CSPP1: variants seen among roughly 807,000 people sequenced by gnomAD.
CSPP1 encodes the protein centrosome and spindle pole associated protein 1.
CSPP1 carries 126 observed loss-of-function variants against 164.4 expected under a neutral mutation model. That is an observed-to-expected ratio of 0.77 (90% CI 0.66 to 0.89). The LOEUF is 0.89. CSPP1 is among the 40% of genes least tolerant of loss of function. The pLI is 0.00. For synonymous variants in CSPP1, 472 were observed against 476.7 expected, an observed-to-expected ratio of 0.99 and a Z score of 0.13; for missense variants, 1,395 against 1,449.8, an observed-to-expected ratio of 0.96 and a Z score of 0.61.
chr8:67,165,075 G>A (rs1291008074), intron 24 of CSPP1, among the ~76,000 whole-genome samples: 1 of 152,160 alleles, frequency 6.6e-6, no homozygotes, highest in Non-Finnish European at 1.5e-5. Flanking sequence ...ACGAGGTCAG[G>A]AGATCGAGAC....
intron 17 of CSPP1, among the ~76,000 whole-genome samples, chr8:67,147,650 CT>C (rs1472938376): frequency 6.6e-6 from 1 of 152,084 alleles, no homozygotes; most frequent in Non-Finnish European, 1.5e-5. Flanking sequence ...TTTGAACTGG[CT>C]TGACAGTTCC....
intron 25 of CSPP1, chr8:67,172,814 G>A (rs1423009753): frequency 3.4e-6 from 1 of 290,342 alleles, no homozygotes; most frequent in Non-Finnish European, 6.4e-6. Flanking sequence ...GCATAGACTA[G>A]TACGAAGAAT....
intron 21 of CSPP1, among the ~76,000 whole-genome samples, chr8:67,159,996 C>CTT (rs1156331777): frequency 4.3e-5 from 3 of 70,516 alleles, no homozygotes; most frequent in African/African-American, 2.6e-4. Flanking sequence ...CTTTTCTTTT[C>CTT]TTTTCTTTTC....
chr8:67,071,208 T>C (rs1458488614), intron 1 of CSPP1, among the ~76,000 whole-genome samples: 3 of 152,206 alleles, frequency 2.0e-5, no homozygotes, highest in Non-Finnish European at 4.4e-5. Flanking sequence ...CAAATTATTA[T>C]TGTCCCAAAC....
intron 19 of CSPP1, 35 bp from the exon 20 acceptor site, chr8:67,158,412 T>G (rs778893001): frequency 9.8e-6 from 15 of 1,526,318 alleles, no homozygotes; most frequent in Admixed American, 4.2e-5. Context: ...TTTTCAATAG[T>G]TTTACAAGAT....
At chr8:67,107,110 C>T (rs1223306166) in intron 9 of CSPP1, among the ~76,000 whole-genome samples, 15 of 151,500 alleles carry the variant, frequency 9.9e-5, no homozygotes, top group Admixed American at 2.0e-4. Context: ...TGCAGGGGCA[C>T]GATCTTGGCT....
At position 67,137,334 on chromosome 8, in the gene CSPP1, A is replaced by G. The variant is rs556100778; in HGVS notation, c.1828-122A>G. On this transcript the variant is annotated intron_variant, in intron 16 of 30. Coordinates refer to ENST00000678616, the MANE Select transcript of CSPP1 (RefSeq NM_001382391.1). Reference sequence around the variant, plus strand: ...ACCTTTGTAGGGGGGTACACTGGGGAAAAAAAAAAAAGCAAATTTTTTTGC... The same window carrying G: ...ACCTTTGTAGGGGGGTACACTGGGGGAAAAAAAAAAAGCAAATTTTTTTGC... 787 of 291,518 alleles carry G rather than the reference A, an allele frequency of 2.7e-3. 1 individual carries two copies. Among genetic ancestry groups the G allele is most frequent in the Non-Finnish European group, 3.7e-3 (653 of 178,114 alleles). 18.1% of individuals were successfully genotyped at this position (291,518 alleles called of 1,614,324 possible).
chr8:67,076,020 A>G (rs1045746057), intron 2 of CSPP1, among the ~76,000 whole-genome samples: 9 of 152,100 alleles, frequency 5.9e-5, no homozygotes, highest in Non-Finnish European at 1.2e-4. Context: ...TCTTAGTTCA[A>G]GTATCACCTG....
intron 1 of CSPP1, chr8:67,065,002 CG>C (rs1372758868): frequency 6.4e-6 from 1 of 155,640 alleles, no homozygotes; most frequent in Non-Finnish European, 1.4e-5. Context: ...CGGGGGCGAG[CG>C]GTTCCTTGGT....
chr8:67,196,522 G>T lies in CSPP1; in HGVS notation c.*929G>T, dbSNP rs867752715. ...ACAGCTGAGAACATCCCCAGGCACT[G>T]CTTCTCTCTCTAATAATACTTCCTC... On this transcript the variant is annotated 3_prime_UTR_variant, in exon 31 of 31. Coordinates refer to ENST00000678616, the MANE Select transcript of CSPP1 (RefSeq NM_001382391.1). 6.6e-6 allele frequency among the ~76,000 whole-genome samples: 1 copy of T among 152,174 alleles called. No individual in the cohort carries two copies. The highest frequency in any genetic ancestry group is 1.5e-5 in the Non-Finnish European group (1 of 68,040).
At chr8:67,153,117 G>A (rs1399256444) in intron 18 of CSPP1, among the ~76,000 whole-genome samples, 1 of 152,124 alleles carries the variant, frequency 6.6e-6, no homozygotes, top group Admixed American at 6.5e-5. Context: ...CAGGAGAATA[G>A]CTTGAACCTG....
At chr8:67,192,700 C>T (rs1313921496) in intron 29 of CSPP1, among the ~76,000 whole-genome samples, 1 of 152,194 alleles carries the variant, frequency 6.6e-6, no homozygotes, top group African/African-American at 2.4e-5. Flanking sequence ...GTGTGAGGTG[C>T]AGGGGTCCAA....
At chr8:67,194,999 AAG>A (rs1454194546) in intron 30 of CSPP1, among the ~76,000 whole-genome samples, 2 of 152,338 alleles carry the variant, frequency 1.3e-5, no homozygotes, top group South Asian at 2.1e-4. Context: ...AGAAAAAAGA[AAG>A]AAATTTTATG....
rs11296619 is a variant in CSPP1, at chr8:67,149,947, CTTTTTTTTTTTTTT to C, written c.2128+23_2128+36del. On this transcript the variant is annotated intron_variant, in intron 18 of 30. Transcript: ENST00000678616. ...AAATAAAAGCTCAGGTTTTTAATCACTTTTTTTTTTTTTTTTTTTTTTTTACATTTCTGAAATTG... is the reference window on the plus strand; with the variant it reads ...AAATAAAAGCTCAGGTTTTTAATCACTTTTTTTTTTACATTTCTGAAATTG... 5 of 1,139,168 alleles carry C rather than the reference CTTTTTTTTTTTTTT, an allele frequency of 4.4e-6. No individual in the cohort carries two copies. The Admixed American group carries it at 1.2e-4, about 26-fold the overall frequency. The allele number at this position is 1,139,168 out of a possible 1,614,324, so 70.6% of individuals were successfully genotyped here.
At position 67,111,971 on chromosome 8, in the gene CSPP1, G is replaced by A; in HGVS notation, c.1094-1G>A. 6.3e-7 allele frequency: 1 copy of A among 1,590,504 alleles called. No individual in the cohort carries two copies. Among genetic ancestry groups the A allele is most frequent in the Non-Finnish European group, 8.6e-7 (1 of 1,161,634 alleles). ...TGTATTTTTCTCATACCACTATCTA[G>A]GAGGTGAAGATCGAGAACTTATTCA... On this transcript the variant is annotated splice_acceptor_variant, in intron 9 of 30. Coordinates refer to ENST00000678616, the MANE Select transcript of CSPP1 (RefSeq NM_001382391.1). LOFTEE classifies it high-confidence loss of function.
chr8:67,064,391 G>T, upstream of CSPP1: 3 of 1,612,962 alleles, frequency 1.9e-6, no homozygotes, highest in Non-Finnish European at 2.5e-6. Flanking sequence ...CCGGCCCGGA[G>T]GTCTGTCATG....
intron 21 of CSPP1, among the ~76,000 whole-genome samples, chr8:67,159,966 CT>C (rs771218078): frequency 9.7e-5 from 4 of 41,336 alleles, no homozygotes; most frequent in African/African-American, 3.4e-4. Context: ...TCTTTCTTTT[CT>C]TTTCTTTTCT....
intron 2 of CSPP1, chr8:67,074,786 CT>C (rs397945936): frequency 0.08 from 20,570 of 258,356 alleles, 8 homozygotes; most frequent in South Asian, 0.14. Context: ...AAAATAATTG[CT>C]TTTTTTTTTT....
chr8:67,191,635 G>GT (rs1450422410), intron 29 of CSPP1, among the ~76,000 whole-genome samples: 1 of 152,176 alleles, frequency 6.6e-6, no homozygotes, highest in African/African-American at 2.4e-5. Context: ...ATTTTCCACT[G>GT]TATTAGTATC....
Sources: gnomAD v4.1 joint callset for allele counts (sites outside exome capture counted in the v4.1 genomes callset) on GRCh38, gnomAD v4.1.1 for gene constraint, MANE v1.5 for transcripts, NCBI Gene and HGNC (gene_info 2026-07-23, HGNC 2026-07-21) for gene names.